Variants in LMF1 observed in about 807,000 individuals in gnomAD.
LMF1 encodes lipase maturation factor 1.
A neutral mutation model predicts 60.6 loss-of-function variants in LMF1; 68 were observed. The ratio of observed to expected loss-of-function variants is 1.12; its 90% CI spans 0.92 to 1.37. LMF1 has a LOEUF of 1.37. Among genes scored for constraint, LMF1 ranks in the 40% most tolerant of loss-of-function variants. The pLI is 0.00. For synonymous variants in LMF1, 418 were observed against 324.7 expected, an observed-to-expected ratio of 1.29 and a Z score of -3.09; for missense variants, 948 against 767.2, an observed-to-expected ratio of 1.24 and a Z score of -2.78.
chr16:981,463 G>A, upstream of LMF1: 3 of 276,104 alleles, frequency 1.1e-5, no homozygotes, highest in South Asian at 7.7e-5. Context: ...GGAGCCGCGC[G>A]GCGCCCGCAG....
At chr16:889,206 G>C (rs1014272242) in intron 5 of LMF1, among the ~76,000 whole-genome samples, 1 of 152,228 alleles carries the variant, frequency 6.6e-6, no homozygotes, top group Non-Finnish European at 1.5e-5. Flanking sequence ...AGAGCCACCC[G>C]GTCGCCTTTC....
At chr16:928,695 A>G (rs1203761158) in intron 3 of LMF1, among the ~76,000 whole-genome samples, 1 of 146,412 alleles carries the variant, frequency 6.8e-6, no homozygotes, top group Non-Finnish European at 1.5e-5. Context: ...CGCCCCCACG[A>G]GCCCCTCCCC....
At chr16:884,980 C>T (rs28662992) in intron 5 of LMF1, 21,881 of 151,922 alleles carry the variant, frequency 0.14, 1,839 homozygotes, top group East Asian at 0.28. Flanking sequence ...AAAAGAGCTC[C>T]GGAAATGGTA....
upstream of LMF1, chr16:971,018 C>T: frequency 1.6e-6 from 1 of 611,796 alleles, no homozygotes; most frequent in Non-Finnish European, 2.0e-6. Context: ...CCCGCCCATT[C>T]TCGGAGGCCC....
At chr16:949,757 GAGCCAATGACAGAGTC>G (rs1330900366) in intron 2 of LMF1, among the ~76,000 whole-genome samples, 1 of 105,534 alleles carries the variant, frequency 9.5e-6, no homozygotes. Context: ...GACAGAGTCA[GAGCCAATGACAGAGTC>G]AGCCAATGAC....
At chr16:931,834 G>A in intron 3 of LMF1, 1 of 1,272,036 alleles carries the variant, frequency 7.9e-7, no homozygotes, top group Non-Finnish European at 1.0e-6. Flanking sequence ...GCTCACGAGG[G>A]CTCTCAGGCG....
intron 2 of LMF1, among the ~76,000 whole-genome samples, chr16:942,722 A>C (rs766597586): frequency 4.0e-5 from 5 of 125,180 alleles, no homozygotes; most frequent in Admixed American, 8.1e-5. Context: ...TGTATGTTAG[A>C]CCACCTAGTG....
At chr16:972,502 C>A (rs7189998), upstream of LMF1, among the ~76,000 whole-genome samples, 11,912 of 152,214 alleles carry the variant, frequency 0.078, 512 homozygotes, top group African/African-American at 0.089. Context: ...TAGGAAGGGC[C>A]GGCACAGCCC....
intron 4 of LMF1, 198 bp from the exon 5 acceptor site, chr16:893,270 AGG>A: frequency 1.5e-6 from 1 of 677,436 alleles, no homozygotes. Flanking sequence ...GGCTGCTTTG[AGG>A]ACAGGAGTTT....
intron 10 of LMF1, among the ~76,000 whole-genome samples, chr16:861,957 T>G (rs1234737987): frequency 2.0e-5 from 3 of 152,164 alleles, no homozygotes; most frequent in Admixed American, 6.5e-5. Flanking sequence ...TTCCTCTCCT[T>G]CTCTGTTTTT....
chr16:975,369 TGA>T (rs2073115434), upstream of LMF1, among the ~76,000 whole-genome samples: 1 of 152,110 alleles, frequency 6.6e-6, no homozygotes, highest in Non-Finnish European at 1.5e-5. Context: ...GAAGAAGCCT[TGA>T]GAGTTGCCTG....
chr16:946,833 A>C (rs2072249177), intron 2 of LMF1, among the ~76,000 whole-genome samples: 1 of 152,192 alleles, frequency 6.6e-6, no homozygotes. Flanking sequence ...CTCAGTGTCC[A>C]CGGTGCCAAG....
At chr16:909,738 G>C (rs4247098) in intron 4 of LMF1, among the ~76,000 whole-genome samples, 43,497 of 152,196 alleles carry the variant, frequency 0.29, 8,063 homozygotes, top group African/African-American at 0.51. Flanking sequence ...GGGGGACAGG[G>C]TGGGAGGAGC....
At chr16:940,611 C>A (rs2072075911) in intron 2 of LMF1, among the ~76,000 whole-genome samples, 2 of 152,162 alleles carry the variant, frequency 1.3e-5, no homozygotes, top group Non-Finnish European at 2.9e-5. Context: ...AACGCCGAAC[C>A]CTATTCTGGA....
At chr16:931,624 C>CA in intron 3 of LMF1, 1 of 1,284,554 alleles carries the variant, frequency 7.8e-7, no homozygotes. Flanking sequence ...TTCTGAGGCC[C>CA]AGCACCCGGA....
At chr16:964,464 T>C (rs2072883931) in intron 1 of LMF1, among the ~76,000 whole-genome samples, 1 of 152,208 alleles carries the variant, frequency 6.6e-6, no homozygotes, top group African/African-American at 2.4e-5. Flanking sequence ...ACCTCAAGTA[T>C]TTTTTCTTTA....
chr16:893,757 G>C (rs906102799), intron 4 of LMF1, among the ~76,000 whole-genome samples: 2 of 152,024 alleles, frequency 1.3e-5, no homozygotes, highest in Admixed American at 6.5e-5. Flanking sequence ...TGCTTTCCCT[G>C]GGTCACTCCC....
At chr16:890,644 C>A (rs1301752497) in intron 5 of LMF1, among the ~76,000 whole-genome samples, 1 of 152,254 alleles carries the variant, frequency 6.6e-6, no homozygotes, top group East Asian at 1.9e-4. Context: ...TCCCAGGAGG[C>A]TCCACCTTCC....
upstream of LMF1, among the ~76,000 whole-genome samples, chr16:975,542 C>A (rs1013254647): frequency 2.0e-5 from 3 of 152,218 alleles, no homozygotes; most frequent in Admixed American, 2.0e-4. Context: ...CATGCCCAGG[C>A]CCCAAGAAAG....
Sources: gnomAD v4.1 joint callset for allele counts (sites outside exome capture counted in the v4.1 genomes callset) on GRCh38, gnomAD v4.1.1 for gene constraint, MANE v1.5 for transcripts, NCBI Gene and HGNC (gene_info 2026-07-23, HGNC 2026-07-21) for gene names.